The following CRHR1 variants were observed in gnomAD, a reference collection of about 807,000 sequenced individuals.
The protein encoded by CRHR1 is corticotropin releasing hormone receptor 1.
Under a neutral mutation model 56.0 loss-of-function variants are expected in CRHR1, and 28 were observed. That is an observed-to-expected ratio of 0.50 (90% CI 0.37 to 0.69). CRHR1 has a LOEUF of 0.69. Ranked by LOEUF, CRHR1 falls within the 30% of genes least tolerant of loss-of-function variation. The probability of loss-of-function intolerance (pLI) is 0.00; values close to 1 mark genes in which losing one functional copy is unlikely to be tolerated. For synonymous variants in CRHR1, 195 were observed against 216.5 expected, an observed-to-expected ratio of 0.90 and a Z score of 0.87; for missense variants, 376 against 548.0, an observed-to-expected ratio of 0.69 and a Z score of 3.13.
At chr17:45,817,826 G>A (rs930227607) in intron 3 of CRHR1, among the ~76,000 whole-genome samples, 2 of 152,240 alleles carry the variant, frequency 1.3e-5, no homozygotes, top group African/African-American at 4.8e-5. Context: ...GGGCCAAGGG[G>A]AGGAAGTGCA....
chr17:45,829,102 G>A (rs1331761821), intron 4 of CRHR1, 113 bp from the exon 5 acceptor site: 6 of 753,316 alleles, frequency 8.0e-6, no homozygotes, highest in Admixed American at 2.1e-5. Context: ...CAGGAAGGGG[G>A]AGTGGCCCTT....
intron 1 of CRHR1, among the ~76,000 whole-genome samples, chr17:45,803,753 A>G (rs1055594882): frequency 4.0e-5 from 3 of 75,296 alleles, no homozygotes; most frequent in African/African-American, 1.6e-4. Context: ...TGAGAGAGAG[A>G]GTGCGTGTGT....
In CRHR1 at chr17:45,830,190, C is replaced by G. The variant is rs746484435; in HGVS notation, c.531C>G (p.Ser177Arg). ...ATWFVVQLTM[S>R]PEVHQSNVGW... ...GGTTCGTGGTCCAGCTAACCATGAGCCCCGAGGTCCACCAGAGCAACGTGG... is the reference window on the plus strand; with the variant it reads ...GGTTCGTGGTCCAGCTAACCATGAGGCCCGAGGTCCACCAGAGCAACGTGG... Residue 177 changes from serine (S) to arginine (R), a missense_variant, in exon 6 of 13, where the codon AGC becomes AGG. By Grantham distance (110) the Ser-to-Arg change is moderately radical. Coordinates refer to ENST00000314537, the MANE Select transcript of CRHR1 (RefSeq NM_004382.5). 1.2e-6 allele frequency: 2 copies of G among 1,614,128 alleles called. No homozygotes were observed. Among genetic ancestry groups the G allele is most frequent in the South Asian group, 1.1e-5 (1 of 91,082 alleles).
At chr17:45,800,296 C>T (rs138332041) in intron 1 of CRHR1, 1 of 152,244 alleles carries the variant, frequency 6.6e-6, no homozygotes, top group Non-Finnish European at 1.5e-5. Context: ...TGGAAAAACT[C>T]CTTCCCAAAG....
At chr17:45,815,240 G>A (rs910293712) in intron 2 of CRHR1, among the ~76,000 whole-genome samples, 6 of 152,194 alleles carry the variant, frequency 3.9e-5, no homozygotes, top group African/African-American at 1.4e-4. Flanking sequence ...GGACACTGGG[G>A]CTCAAAAGGA....
chr17:45,803,808 G>GTT (rs1555650843), intron 1 of CRHR1, among the ~76,000 whole-genome samples: 1 of 152,144 alleles, frequency 6.6e-6, no homozygotes, highest in Non-Finnish European at 1.5e-5. Flanking sequence ...ATGTGTGTGT[G>GTT]TTGGGAGGTG....
At chr17:45,827,149 A>G (rs1453641138) in intron 4 of CRHR1, 1 of 152,382 alleles carries the variant, frequency 6.6e-6, no homozygotes, top group African/African-American at 2.4e-5. Flanking sequence ...GCTGTGGGAA[A>G]GAAAAGCAGT....
Position 45,784,996 on chromosome 17 carries a change from G to A in CRHR1, c.33+419G>A, listed in dbSNP as rs989699040. Among the ~76,000 whole-genome samples, 53 of 152,130 alleles carry A rather than the reference G, an allele frequency of 3.5e-4. No individual in the cohort carries two copies. Among genetic ancestry groups the A allele is most frequent in the Admixed American group, 1.3e-4 (2 of 15,284 alleles). On this transcript the variant is annotated intron_variant, in intron 1 of 12. Coordinates refer to ENST00000314537, the MANE Select transcript of CRHR1 (RefSeq NM_004382.5). The surrounding 1 kb of genome is among the most constrained non-coding windows in gnomAD (Gnocchi z 4.2). ...CCCCAGCGCCCCCAAACAGCTCCCCGACTCCGCACGCCCCCGCCCTAGTCT... is the reference window on the plus strand; with the variant it reads ...CCCCAGCGCCCCCAAACAGCTCCCCAACTCCGCACGCCCCCGCCCTAGTCT...
intron 1 of CRHR1, chr17:45,800,867 C>T (rs1337930307): frequency 6.6e-6 from 1 of 151,970 alleles, no homozygotes; most frequent in African/African-American, 2.4e-5. Flanking sequence ...TGAGATGCCT[C>T]AGCTGCCTCC....
chr17:45,834,421 C>T (rs1184906971), intron 12 of CRHR1, among the ~76,000 whole-genome samples: 3 of 152,204 alleles, frequency 2.0e-5, no homozygotes, highest in African/African-American at 7.2e-5. Context: ...GGTGCCCCTT[C>T]CCCAGGACAT....
chr17:45,804,155 GAT>G (rs2061678072), intron 1 of CRHR1, among the ~76,000 whole-genome samples: 1 of 152,204 alleles, frequency 6.6e-6, no homozygotes, highest in African/African-American at 2.4e-5. Context: ...AGGCCAGAGA[GAT>G]GAATGGGTTT....
chr17:45,798,315 C>G (rs2061557029), intron 1 of CRHR1, among the ~76,000 whole-genome samples: 1 of 152,082 alleles, frequency 6.6e-6, no homozygotes, highest in Non-Finnish European at 1.5e-5. Context: ...CATCTGAGGT[C>G]AGGAGTTCGA....
chr17:45,793,870 C>A (rs547007291), intron 1 of CRHR1, among the ~76,000 whole-genome samples: 2 of 152,146 alleles, frequency 1.3e-5, no homozygotes, highest in Non-Finnish European at 2.9e-5. Flanking sequence ...TTTACTGGAC[C>A]GACCACAATG....
intron 1 of CRHR1, among the ~76,000 whole-genome samples, chr17:45,803,800 G>C (rs2146298920): frequency 6.6e-6 from 1 of 152,308 alleles, no homozygotes; most frequent in East Asian, 1.9e-4. Flanking sequence ...GTGTGTGCAT[G>C]TGTGTGTGTT....
At position 45,833,786 on chromosome 17, in the gene CRHR1, C is replaced by T. The variant is rs753843533; in HGVS notation, c.1002C>T (p.Pro334=). Residue 334 remains proline, a synonymous_variant, in exon 11 of 13, where the codon CCC becomes CCT. Transcript: ENST00000314537. The part of the protein sequence containing the change: ...GITYMLFFVN[P]GEDEVSRVVF... ...CCTACATGCTGTTCTTCGTCAATCC[C>T]GGGGAGGATGAGGTCTCCCGGGTCG... 11 of 1,612,276 alleles carry T rather than the reference C, an allele frequency of 6.8e-6. No homozygotes were observed. Among genetic ancestry groups the T allele is most frequent in the African/African-American group, 5.4e-5 (4 of 74,754 alleles).
intron 4 of CRHR1, among the ~76,000 whole-genome samples, chr17:45,824,938 C>T (rs534929159): frequency 2.0e-5 from 3 of 152,164 alleles, no homozygotes; most frequent in South Asian, 2.1e-4. Context: ...CCAGCCCATC[C>T]GTGCCTGGCT....
In CRHR1 at chr17:45,784,716, G is replaced by A; in HGVS notation, c.33+139G>A. ...AGGTCGGGGAAGGCTGGGCTCCGGG[G>A]CAGCCTAACTCTCTGGACCTTTGGA... is the stretch of plus-strand genomic sequence containing the variant. On this transcript the variant is annotated intron_variant, in intron 1 of 12. Transcript: ENST00000314537. The surrounding 1 kb of genome is among the most constrained non-coding windows in gnomAD (Gnocchi z 4.2). The A allele has an allele frequency of 3.5e-6, 3 of 869,244 alleles. No homozygotes were observed. Among genetic ancestry groups the A allele is most frequent in the Non-Finnish European group, 4.9e-6 (3 of 618,058 alleles). The allele number at this position is 869,244 out of a possible 1,614,324, so 53.8% of individuals were successfully genotyped here.
chr17:45,806,293 G>T (rs757634751), intron 1 of CRHR1, among the ~76,000 whole-genome samples: 1 of 152,226 alleles, frequency 6.6e-6, no homozygotes, highest in Non-Finnish European at 1.5e-5. Context: ...CTTCAGGGAG[G>T]TTAAAGGGCA....
intron 4 of CRHR1, among the ~76,000 whole-genome samples, chr17:45,824,923 A>C (rs1157537745): frequency 3.4e-5 from 5 of 147,690 alleles, no homozygotes; most frequent in Admixed American, 2.0e-4. Context: ...GACCCGCCCC[A>C]CCCCCCAGCC....
Sources: gnomAD v4.1 joint callset for allele counts (sites outside exome capture counted in the v4.1 genomes callset) on GRCh38, gnomAD v4.1.1 for gene constraint, Gnocchi (gnomAD v3.1) non-coding constraint, MANE v1.5 for transcripts, NCBI Gene and HGNC (gene_info 2026-07-23, HGNC 2026-07-21) for gene names.